The following PCDHGA3 variants were observed in gnomAD, a reference collection of about 807,000 sequenced individuals.
PCDHGA3 encodes the protein protocadherin gamma-A3.
Under a neutral mutation model 58.5 loss-of-function variants are expected in PCDHGA3, and 40 were observed. The observed-to-expected ratio is 0.68, with a 90% CI of 0.53 to 0.89. PCDHGA3 has a LOEUF of 0.89. PCDHGA3 is among the 40% of genes least tolerant of loss of function. PCDHGA3 has a pLI of 0.00. For missense variants in PCDHGA3, 1,223 were observed against 1,195.9 expected (o/e 1.02, Z -0.33); for synonymous variants, 530 against 525.7 (o/e 1.01, Z -0.11).
intron 1 of PCDHGA3, chr5:141,395,360 G>A (rs2093220996): frequency 3.9e-6 from 5 of 1,290,318 alleles, no homozygotes; most frequent in Non-Finnish European, 5.2e-6. Context: ...AGAGTTTTGG[G>A]TTTATTTTGG....
intron 1 of PCDHGA3, among the ~76,000 whole-genome samples, chr5:141,450,823 A>ATTT: frequency 7.5e-6 from 1 of 133,136 alleles, no homozygotes; most frequent in African/African-American, 2.9e-5. Flanking sequence ...TAATATTATT[A>ATTT]TTATTATTTT....
At chr5:141,388,628 G>C (rs752578230) in intron 1 of PCDHGA3, 1 of 1,613,780 alleles carries the variant, frequency 6.2e-7, no homozygotes, top group African/African-American at 1.3e-5. Context: ...ACGTATACAG[G>C]GTGAGCCTTT....
intron 1 of PCDHGA3, chr5:141,426,496 G>A: frequency 3.0e-6 from 1 of 337,022 alleles, no homozygotes; most frequent in South Asian, 2.4e-5. Flanking sequence ...AGTTAGTGCA[G>A]AGAAACAATA....
At chr5:141,428,141 G>C (rs1314061143) in intron 1 of PCDHGA3, 2 of 1,596,500 alleles carry the variant, frequency 1.3e-6, no homozygotes, top group African/African-American at 2.7e-5. Context: ...GCCTGGGGCT[G>C]CACACGGGAA....
chr5:141,403,220 A>G (rs1340190547), intron 1 of PCDHGA3: 1 of 1,613,824 alleles, frequency 6.2e-7, no homozygotes, highest in Non-Finnish European at 8.5e-7. Context: ...CGCGGGTAGG[A>G]TAGACCGGGA....
Position 141,419,336 on chromosome 5 carries a change from G to A in PCDHGA3, c.2424+72879G>A, listed in dbSNP as rs762064534. 6.8e-6 allele frequency: 11 copies of A among 1,613,772 alleles called. No individual in the cohort carries two copies. In the African/African-American group the frequency reaches 1.3e-4, roughly 20 times the overall value. ...CGGCCGTGTCTCCTACTCTCTCATT[G>A]CCAGCGACCTGGAGTCACGAACGCT... On this transcript the variant is annotated intron_variant, in intron 1 of 3. Coordinates refer to ENST00000253812, the MANE Select transcript of PCDHGA3 (RefSeq NM_018916.4).
Position 141,485,011 on chromosome 5 carries a change from C to G in PCDHGA3, c.2425-9796C>G, listed in dbSNP as rs2099605048. 3.2e-6 allele frequency: 2 copies of G among 631,064 alleles called. No homozygotes were observed. The highest frequency in any genetic ancestry group is 5.5e-5 in the East Asian group (2 of 36,662). The allele number at this position is 631,064 out of a possible 1,614,324, so 39.1% of individuals were successfully genotyped here. A position where few individuals can be genotyped will look rare whatever the true frequency, so the allele number is the denominator to read the frequency against. Reference sequence around the variant, plus strand: ...TGGTGAAAGGCAGACAAATCTACCCCGCCACCAGCAAAAACGGCGCGTAAC... The same window carrying G: ...TGGTGAAAGGCAGACAAATCTACCCGGCCACCAGCAAAAACGGCGCGTAAC... On this transcript the variant is annotated intron_variant, in intron 1 of 3. Coordinates refer to ENST00000253812, the MANE Select transcript of PCDHGA3 (RefSeq NM_018916.4). This position sits in a 1 kb window ranked among gnomAD's most constrained non-coding sequence, Gnocchi z 5.7.
intron 1 of PCDHGA3, chr5:141,371,109 C>A (rs781398183): frequency 6.2e-7 from 1 of 1,613,836 alleles, no homozygotes; most frequent in South Asian, 1.1e-5. Context: ...AAATGATAAC[C>A]CCCCAGTATT....
At position 141,491,290 on chromosome 5, in the gene PCDHGA3, C is replaced by T. The variant is rs747758229; in HGVS notation, c.2425-3517C>T. Reference sequence around the variant, plus strand: ...CAAATCCAGTGACTTCCTCATACACCCTCCTGAGCGTTCAGACCTTACCCT... The same window carrying T: ...CAAATCCAGTGACTTCCTCATACACTCTCCTGAGCGTTCAGACCTTACCCT... On this transcript the variant is annotated intron_variant, in intron 1 of 3. Coordinates refer to ENST00000253812, the MANE Select transcript of PCDHGA3 (RefSeq NM_018916.4). The surrounding 1 kb of genome is among the most constrained non-coding windows in gnomAD (Gnocchi z 6.9). 6.2e-7 allele frequency: 1 copy of T among 1,613,974 alleles called. No homozygotes were observed. Among genetic ancestry groups the T allele is most frequent in the Non-Finnish European group, 8.5e-7 (1 of 1,179,952 alleles).
At chr5:141,459,874 A>G (rs922438277) in intron 1 of PCDHGA3, among the ~76,000 whole-genome samples, 10 of 152,156 alleles carry the variant, frequency 6.6e-5, no homozygotes, top group African/African-American at 2.4e-4. Flanking sequence ...TTCATCTTTA[A>G]CTGAGCTGAA....
At chr5:141,492,673 C>T (rs2099743035) in intron 1 of PCDHGA3, among the ~76,000 whole-genome samples, 1 of 152,250 alleles carries the variant, frequency 6.6e-6, no homozygotes, top group Non-Finnish European at 1.5e-5. Flanking sequence ...GGGACTCCGT[C>T]TCAAGGGTCG....
intron 1 of PCDHGA3, among the ~76,000 whole-genome samples, chr5:141,438,349 C>G (rs892834423): frequency 6.6e-6 from 1 of 151,762 alleles, no homozygotes; most frequent in Non-Finnish European, 1.5e-5. Flanking sequence ...AGGATCTACT[C>G]TGTGTATTGT....
rs1761587141 is a variant in PCDHGA3 at position 141,360,419 on chromosome 5, T to C, written c.2424+13962T>C. The C allele has an allele frequency of 1.2e-6, 2 of 1,613,968 alleles. No individual in the cohort carries two copies. The highest frequency in any genetic ancestry group is 4.5e-5 in the East Asian group (2 of 44,870). ...AGTGACAGAATAGACCGAGAACAGA[T>C]ATGCGGGAAGCAGCCTCTGTGTGTT... On this transcript the variant is annotated intron_variant, in intron 1 of 3. Transcript: ENST00000253812.
At chr5:141,371,418 G>C (rs761627230) in intron 1 of PCDHGA3, 9 of 1,614,006 alleles carry the variant, frequency 5.6e-6, no homozygotes, top group Middle Eastern at 1.6e-4. Context: ...AGATGAAAAT[G>C]ACAATGCCCC....
rs768354664 is a variant in PCDHGA3 at position 141,485,690 on chromosome 5, A to C, written c.2425-9117A>C. On this transcript the variant is annotated intron_variant, in intron 1 of 3. Coordinates refer to ENST00000253812, the MANE Select transcript of PCDHGA3 (RefSeq NM_018916.4). This position sits in a 1 kb window ranked among gnomAD's most constrained non-coding sequence, Gnocchi z 5.7. ...CAATTCGATTAGCAGCTATAGGCTG[A>C]GCTCCAATGAACACTTTGCACTGGA... 1.6e-5 allele frequency: 26 copies of C among 1,614,106 alleles called. No individual in the cohort carries two copies. In the South Asian group the frequency reaches 2.7e-4, roughly 17 times the overall value.
intron 1 of PCDHGA3, chr5:141,394,644 G>C (rs765703225): frequency 1.2e-6 from 2 of 1,613,358 alleles, no homozygotes; most frequent in Admixed American, 3.3e-5. Context: ...CCTGCTCAAG[G>C]CCAGCGAGCC....
At chr5:141,408,188 G>A in intron 1 of PCDHGA3, 6 of 1,543,620 alleles carry the variant, frequency 3.9e-6, no homozygotes, top group Non-Finnish European at 4.4e-6. Flanking sequence ...GACCCAGCGA[G>A]AACCCGAGCG....
At chr5:141,463,412 A>G (rs1397215687) in intron 1 of PCDHGA3, among the ~76,000 whole-genome samples, 9 of 127,856 alleles carry the variant, frequency 7.0e-5, no homozygotes, top group Non-Finnish European at 1.5e-4. Flanking sequence ...TGGAGATCCT[A>G]GTTTGCGGAT....
chr5:141,506,645 A>G (rs1229614297), intron 3 of PCDHGA3, among the ~76,000 whole-genome samples: 3 of 152,188 alleles, frequency 2.0e-5, no homozygotes, highest in African/African-American at 7.2e-5. Context: ...CCCTCAGCAC[A>G]GGATTGGCAG....
Sources: gnomAD v4.1 joint callset for allele counts (sites outside exome capture counted in the v4.1 genomes callset) on GRCh38, gnomAD v4.1.1 for gene constraint, Gnocchi (gnomAD v3.1) non-coding constraint, MANE v1.5 for transcripts, NCBI Gene and HGNC (gene_info 2026-07-23, HGNC 2026-07-21) for gene names.